The following TEX9 variants were observed in gnomAD, a reference collection of about 807,000 sequenced individuals.
TEX9 encodes the protein testis-expressed protein 9.
TEX9 carries 74 observed loss-of-function variants against 59.6 expected under a neutral mutation model. That is an observed-to-expected ratio of 1.24 (90% CI 1.03 to 1.51). TEX9 has a LOEUF of 1.51. Among genes scored for constraint, TEX9 ranks in the 40% most tolerant of loss-of-function variants. The pLI is 0.00. For synonymous variants in TEX9, 186 were observed against 152.2 expected (o/e 1.22, Z -1.64); for missense variants, 522 against 447.8 (o/e 1.17, Z -1.49).
intron 6 of TEX9, 54 bp downstream of exon 6, chr15:56,389,454 A>G: frequency 7.9e-7 from 1 of 1,258,840 alleles, no homozygotes; most frequent in Non-Finnish European, 1.1e-6. Context: ...AATTCACAAT[A>G]CCATCATTCT....
intron 10 of TEX9, among the ~76,000 whole-genome samples, chr15:56,426,722 G>A (rs550069659): frequency 4.0e-4 from 60 of 149,198 alleles, no homozygotes; most frequent in Admixed American, 1.8e-3. Flanking sequence ...TGTGTACAGA[G>A]ATTCACATTT....
chr15:56,391,655 C>T (rs1036697994), intron 7 of TEX9, among the ~76,000 whole-genome samples: 1 of 151,206 alleles, frequency 6.6e-6, no homozygotes, highest in Non-Finnish European at 1.5e-5. Flanking sequence ...TCATTGAACT[C>T]GCCTACTTTT....
intron 9 of TEX9, among the ~76,000 whole-genome samples, chr15:56,406,686 C>G (rs1204766355): frequency 2.0e-5 from 3 of 152,006 alleles, no homozygotes; most frequent in Non-Finnish European, 4.4e-5. Flanking sequence ...TTTGTATTTC[C>G]TTTATAACTA....
chr15:56,423,696 C>T (rs1243843516), intron 10 of TEX9, among the ~76,000 whole-genome samples: 3 of 152,138 alleles, frequency 2.0e-5, no homozygotes, highest in African/African-American at 7.2e-5. Context: ...CACCCTGCAC[C>T]ACATTCTAGC....
intron 12 of TEX9, among the ~76,000 whole-genome samples, chr15:56,435,707 G>C (rs1346681391): frequency 6.6e-6 from 1 of 151,912 alleles, no homozygotes; most frequent in Non-Finnish European, 1.5e-5. Flanking sequence ...AAAACCCCAA[G>C]TCAGGATGGT....
At chr15:56,314,107 GATTC>G in intron 1 of TEX9, among the ~76,000 whole-genome samples, 1 of 28,172 alleles carries the variant, frequency 3.5e-5, no homozygotes, top group African/African-American at 7.0e-5. Flanking sequence ...CCAGCTCCTG[GATTC>G]ATTAATTTTT....
intron 3 of TEX9, chr15:56,374,353 A>G (rs2047328148): frequency 6.6e-6 from 1 of 152,146 alleles, no homozygotes; most frequent in South Asian, 2.1e-4. Context: ...AGAAGCAAAC[A>G]ATATAAGGTT....
chr15:56,387,186 G>T (rs1440220567), intron 4 of TEX9, among the ~76,000 whole-genome samples: 6 of 151,828 alleles, frequency 4.0e-5, no homozygotes, highest in Admixed American at 3.9e-4. Context: ...TACTTTTCAT[G>T]AAAATACACT....
At chr15:56,342,917 C>A (rs2141838063) in intron 1 of TEX9, among the ~76,000 whole-genome samples, 1 of 152,218 alleles carries the variant, frequency 6.6e-6, no homozygotes, top group South Asian at 2.1e-4. Context: ...AAGAAGAGAA[C>A]ATTAATCATA....
At chr15:56,338,080 C>T (rs1422784972) in intron 1 of TEX9, among the ~76,000 whole-genome samples, 1 of 152,132 alleles carries the variant, frequency 6.6e-6, no homozygotes, top group East Asian at 1.9e-4. Flanking sequence ...TCCTTTGGCA[C>T]AAGGAATCTG....
At chr15:56,447,053 G>A (rs1031105767), downstream of TEX9, 7 of 712,324 alleles carry the variant, frequency 9.8e-6, no homozygotes, top group Admixed American at 5.4e-5. Flanking sequence ...GGAATACAGC[G>A]GGTATTATTT....
chr15:56,437,967 G>A (rs527965794), intron 12 of TEX9, among the ~76,000 whole-genome samples: 53 of 152,194 alleles, frequency 3.5e-4, no homozygotes, highest in Admixed American at 1.8e-3. Flanking sequence ...AATAAAAGAC[G>A]ACACAAACAA....
chr15:56,315,818 A>C (rs1371356993), intron 1 of TEX9, among the ~76,000 whole-genome samples: 1 of 148,226 alleles, frequency 6.7e-6, no homozygotes, highest in African/African-American at 2.4e-5. Context: ...CTTTTCACAT[A>C]GTCCCATATT....
chr15:56,399,044 C>T (rs909314775), intron 9 of TEX9, among the ~76,000 whole-genome samples: 10 of 152,178 alleles, frequency 6.6e-5, no homozygotes, highest in African/African-American at 1.2e-4. Flanking sequence ...GTGTGATCAA[C>T]GCAGAAGACA....
the TEX9 span, among the ~76,000 whole-genome samples, chr15:56,458,468 A>G: frequency 2.6e-5 from 4 of 151,870 alleles, no homozygotes; most frequent in African/African-American, 9.7e-5. Flanking sequence ...CCTATGCATC[A>G]TTATCACGCA....
chr15:56,247,031 C>T (rs1185190153), intron 1 of TEX9, among the ~76,000 whole-genome samples: 1 of 152,128 alleles, frequency 6.6e-6, no homozygotes, highest in East Asian at 1.9e-4. Flanking sequence ...TCCTAGTAGT[C>T]CCAGGACATA....
chr15:56,328,715 G>A (rs2725860), intron 1 of TEX9, among the ~76,000 whole-genome samples: 148,140 of 152,212 alleles, frequency 0.97, 72,229 homozygotes, highest in East Asian at 1. Flanking sequence ...AGGGGAGAGA[G>A]AAGTGGGAAG....
chr15:56,273,436 A>C (rs2141412051), intron 1 of TEX9, among the ~76,000 whole-genome samples: 1 of 152,216 alleles, frequency 6.6e-6, no homozygotes, highest in East Asian at 1.9e-4. Flanking sequence ...TCCTCCCTCC[A>C]ATCTGTTGTT....
chr15:56,344,631 T>A (rs2046433065), intron 1 of TEX9, among the ~76,000 whole-genome samples: 1 of 152,144 alleles, frequency 6.6e-6, no homozygotes. Flanking sequence ...AATTGTTCAC[T>A]TTAAATGGGT....
Sources: gnomAD v4.1 joint callset for allele counts (sites outside exome capture counted in the v4.1 genomes callset) on GRCh38, gnomAD v4.1.1 for gene constraint, MANE v1.5 for transcripts, NCBI Gene and HGNC (gene_info 2026-07-23, HGNC 2026-07-21) for gene names.